HS6ST3: variants seen among roughly 807,000 people sequenced by gnomAD.
HS6ST3 encodes the protein heparan sulfate 6-O-sulfotransferase 3.
In HS6ST3, 12 loss-of-function variants were observed where a neutral mutation model predicts 36.7. The ratio of observed to expected loss-of-function variants is 0.33; its 90% confidence interval spans 0.21 to 0.53. The LOEUF (loss-of-function observed/expected upper bound fraction) is 0.53, where lower values mean the gene tolerates loss of function less well. HS6ST3 is among the 20% of genes least tolerant of loss of function. The pLI, the probability that HS6ST3 is intolerant of heterozygous loss-of-function variation, is 0.95. For synonymous variants in HS6ST3, 240 were observed against 257.5 expected (o/e 0.93, Z 0.65); for missense variants, 584 against 640.9 (o/e 0.91, Z 0.96).
In HS6ST3 at chr13:96,658,296, T is replaced by TTTTTTTTTTTC. The variant is rs1467303957; in HGVS notation, c.708-174192_708-174191insTTTTTTTTCTT. Reference sequence around the variant, plus strand: ...TTTTTTTTTTTTTTTTTTTTTTTTTTTTGAGATGGCGTCTCACTCTGTTAC... The same window carrying TTTTTTTTTTTC: ...TTTTTTTTTTTTTTTTTTTTTTTTTTTTTTTTTTTTCTTGAGATGGCGTCTCACTCTGTTAC... On this transcript the variant is annotated intron_variant, in intron 1 of 1. Coordinates refer to ENST00000376705, the MANE Select transcript of HS6ST3 (RefSeq NM_153456.4). Among the ~76,000 whole-genome samples, 425 of 87,164 alleles carry TTTTTTTTTTTC rather than the reference T, an allele frequency of 4.9e-3. 19 individuals carry two copies. The highest frequency in any genetic ancestry group is 7.4e-3 in the Non-Finnish European group (307 of 41,362). 57.2% of individuals were successfully genotyped at this position (87,164 alleles called of 152,430 possible). A position where few individuals can be genotyped will look rare whatever the true frequency, so the allele number is the denominator to read the frequency against.
At chr13:96,676,684 G>T (rs2056699852) in intron 1 of HS6ST3, among the ~76,000 whole-genome samples, 1 of 151,946 alleles carries the variant, frequency 6.6e-6, no homozygotes, top group Non-Finnish European at 1.5e-5. Flanking sequence ...AGGTTTTTGA[G>T]GTCTAAGTCA....
At chr13:96,335,186 G>T (rs2055094334) in intron 1 of HS6ST3, among the ~76,000 whole-genome samples, 1 of 152,152 alleles carries the variant, frequency 6.6e-6, no homozygotes, top group Non-Finnish European at 1.5e-5. Flanking sequence ...TCCATCCCCA[G>T]AAGCTGGAGA....
chr13:96,720,202 G>A (rs1213772982), intron 1 of HS6ST3, among the ~76,000 whole-genome samples: 2 of 152,110 alleles, frequency 1.3e-5, no homozygotes, highest in Non-Finnish European at 2.9e-5. Context: ...ATCATGCACT[G>A]CCTTCTAAAG....
intron 1 of HS6ST3, among the ~76,000 whole-genome samples, chr13:96,261,665 A>G (rs1399165610): frequency 6.6e-6 from 1 of 152,204 alleles, no homozygotes; most frequent in Non-Finnish European, 1.5e-5. Context: ...TACCTTTCTT[A>G]TACAGAAAGT....
At chr13:96,404,793 A>G (rs956295128) in intron 1 of HS6ST3, among the ~76,000 whole-genome samples, 1 of 152,224 alleles carries the variant, frequency 6.6e-6, no homozygotes, top group Non-Finnish European at 1.5e-5. Flanking sequence ...ACGCAAGGGC[A>G]GGTGATATGG....
chr13:96,106,430 G>T (rs1644015106), intron 1 of HS6ST3, among the ~76,000 whole-genome samples: 1 of 152,144 alleles, frequency 6.6e-6, no homozygotes, highest in Non-Finnish European at 1.5e-5. Flanking sequence ...AGCCTACTTG[G>T]CAAGAAGTTG....
intron 1 of HS6ST3, among the ~76,000 whole-genome samples, chr13:96,643,971 T>C (rs2056579463): frequency 6.6e-6 from 1 of 151,972 alleles, no homozygotes; most frequent in African/African-American, 2.4e-5. Flanking sequence ...TTTGGGTTAA[T>C]GGCTAGAGTT....
intron 1 of HS6ST3, among the ~76,000 whole-genome samples, chr13:96,237,604 T>TA (rs1056271511): frequency 1.8e-4 from 28 of 152,322 alleles, no homozygotes; most frequent in African/African-American, 6.5e-4. Context: ...CCTATTTTCT[T>TA]AGTGATCACT....
chr13:96,409,644 C>T (rs957776286), intron 1 of HS6ST3, among the ~76,000 whole-genome samples: 10 of 152,136 alleles, frequency 6.6e-5, no homozygotes, highest in Non-Finnish European at 1.3e-4. Context: ...TTCTGTTTAT[C>T]GAGTGCTTCT....
chr13:96,698,033 TTTTA>T (rs201654616), intron 1 of HS6ST3, among the ~76,000 whole-genome samples: 39 of 152,160 alleles, frequency 2.6e-4, no homozygotes, highest in Non-Finnish European at 4.9e-4. Context: ...ATACTTTTAT[TTTTA>T]TTTATTTATT....
At chr13:96,467,642 GTGA>G (rs1273913369) in intron 1 of HS6ST3, among the ~76,000 whole-genome samples, 1 of 152,106 alleles carries the variant, frequency 6.6e-6, no homozygotes, top group Non-Finnish European at 1.5e-5. Context: ...TTAATAATAA[GTGA>G]TGATAACCAC....
intron 1 of HS6ST3, among the ~76,000 whole-genome samples, chr13:96,828,139 C>A (rs984037899): frequency 3.9e-5 from 6 of 152,118 alleles, no homozygotes; most frequent in African/African-American, 1.4e-4. Context: ...TGGTGATTGG[C>A]AAAAGCAAGA....
At chr13:96,496,603 C>T (rs1312395008) in intron 1 of HS6ST3, among the ~76,000 whole-genome samples, 1 of 152,150 alleles carries the variant, frequency 6.6e-6, no homozygotes, top group East Asian at 1.9e-4. Flanking sequence ...ACAACTTTTC[C>T]AACCATTCCA....
chr13:96,645,509 G>T lies in HS6ST3; in HGVS notation c.708-186981G>T, dbSNP rs1331959360. On this transcript the variant is annotated intron_variant, in intron 1 of 1. Coordinates refer to ENST00000376705, the MANE Select transcript of HS6ST3 (RefSeq NM_153456.4). ...GTTCTAATTCACGTATTCCACCGAG[G>T]TGAAATATAATATTGATTTGAGAGA... 6.0e-5 allele frequency among the ~76,000 whole-genome samples: 9 copies of T among 150,666 alleles called. No homozygotes were observed. The Admixed American group carries it at 6.0e-4, about 10-fold the overall frequency.
At chr13:96,369,364 A>G (rs2055278486) in intron 1 of HS6ST3, among the ~76,000 whole-genome samples, 1 of 152,024 alleles carries the variant, frequency 6.6e-6, no homozygotes, top group Admixed American at 6.5e-5. Flanking sequence ...CTCTTTCCTC[A>G]GTTTTCTGCT....
intron 1 of HS6ST3, among the ~76,000 whole-genome samples, chr13:96,627,702 T>C (rs950582322): frequency 6.6e-6 from 1 of 152,014 alleles, no homozygotes; most frequent in African/African-American, 2.4e-5. Context: ...ATGGATTTAC[T>C]TGTACTAAAT....
At chr13:96,751,614 G>A (rs969899504) in intron 1 of HS6ST3, among the ~76,000 whole-genome samples, 1 of 152,020 alleles carries the variant, frequency 6.6e-6, no homozygotes, top group African/African-American at 2.4e-5. Context: ...TTATATAAAT[G>A]AATACATTTT....
intron 1 of HS6ST3, among the ~76,000 whole-genome samples, chr13:96,729,138 C>T: frequency 6.6e-6 from 1 of 152,108 alleles, no homozygotes; most frequent in East Asian, 1.9e-4. Context: ...GTTCTAGTTG[C>T]AATGGGCAAT....
intron 1 of HS6ST3, among the ~76,000 whole-genome samples, chr13:96,234,885 A>G (rs1262439310): frequency 6.6e-6 from 1 of 152,226 alleles, no homozygotes; most frequent in Admixed American, 6.5e-5. Flanking sequence ...CAAAAACCTT[A>G]GAAATTCCCA....
Sources: allele counts gnomAD v4.1 joint callset (sites outside exome capture counted in the v4.1 genomes callset), GRCh38; gene constraint gnomAD v4.1.1; transcripts MANE v1.5; gene names NCBI Gene and HGNC (gene_info 2026-07-23, HGNC 2026-07-21).